The following B3GALT1 variants were observed in gnomAD, a reference collection of about 807,000 sequenced individuals.
B3GALT1 encodes UDP-Gal:betaGlcNAc beta 1,3-galactosyltransferase, polypeptide 1.
Under a neutral mutation model 23.2 loss-of-function variants are expected in B3GALT1, and 10 were observed. The observed-to-expected ratio is 0.43, with a 90% CI of 0.27 to 0.73. B3GALT1 has a LOEUF of 0.73. B3GALT1 is among the 30% of genes least tolerant of loss of function. The pLI, the probability that B3GALT1 is intolerant of heterozygous loss-of-function variation, is 0.21. For missense variants in B3GALT1, 299 were observed against 405.4 expected, an observed-to-expected ratio of 0.74 and a Z score of 2.25; for synonymous variants, 156 against 141.5, an observed-to-expected ratio of 1.10 and a Z score of -0.73.
At chr2:167,611,173 G>A (rs1459999249) in intron 2 of B3GALT1, among the ~76,000 whole-genome samples, 1 of 151,544 alleles carries the variant, frequency 6.6e-6, no homozygotes, top group East Asian at 1.9e-4. Flanking sequence ...TCCTACTATC[G>A]AGAACCAGTT....
At chr2:167,766,578 G>GA (rs1553485742) in intron 3 of B3GALT1, among the ~76,000 whole-genome samples, 1 of 152,036 alleles carries the variant, frequency 6.6e-6, no homozygotes, top group Non-Finnish European at 1.5e-5. Context: ...ATTAATTGAA[G>GA]AAAAAAGGAA....
At chr2:167,511,784 A>G (rs1700008283) in intron 2 of B3GALT1, among the ~76,000 whole-genome samples, 1 of 152,162 alleles carries the variant, frequency 6.6e-6, no homozygotes. Flanking sequence ...GAAAAATGTC[A>G]TCTAAATAGA....
At chr2:167,390,816 G>A (rs78833709) in intron 1 of B3GALT1, among the ~76,000 whole-genome samples, 1 of 117,638 alleles carries the variant, frequency 8.5e-6, no homozygotes, top group Non-Finnish European at 1.9e-5. Flanking sequence ...GAATGAATGA[G>A]TCAATCAAAT....
chr2:167,759,084 C>T (rs1428345868), intron 3 of B3GALT1, among the ~76,000 whole-genome samples: 3 of 152,154 alleles, frequency 2.0e-5, no homozygotes, highest in Non-Finnish European at 4.4e-5. Flanking sequence ...AAGCACAAAC[C>T]AGAATACATT....
chr2:167,515,071 T>C (rs1423832914), intron 2 of B3GALT1, among the ~76,000 whole-genome samples: 5 of 152,208 alleles, frequency 3.3e-5, no homozygotes, highest in Non-Finnish European at 7.4e-5. Context: ...AGCTAATTTG[T>C]CTATTTTTAA....
intron 3 of B3GALT1, chr2:167,716,144 G>C (rs983165390): frequency 2.2e-6 from 3 of 1,390,328 alleles, no homozygotes; most frequent in South Asian, 2.6e-5. Flanking sequence ...CTTGGGTCTG[G>C]AACCCGAATC....
Position 167,635,978 on chromosome 2 carries a change from C to G in B3GALT1, c.-409-10931C>G, listed in dbSNP as rs372645282. ...CTACAGCAACCAAAACAGCATGGTA[C>G]TGGTACCAAAACAGATGTAGACCAA... On this transcript the variant is annotated intron_variant, in intron 2 of 4. Transcript: ENST00000392690. Among the ~76,000 whole-genome samples the G allele has an allele frequency of 1.6e-4, 25 of 152,192 alleles. No individual in the cohort carries two copies. In the East Asian group the frequency reaches 4.8e-3, roughly 29 times the overall value.
chr2:167,516,292 T>A (rs1211389193), intron 2 of B3GALT1, among the ~76,000 whole-genome samples: 2 of 152,142 alleles, frequency 1.3e-5, no homozygotes, highest in Non-Finnish European at 2.9e-5. Flanking sequence ...TGACAGTATC[T>A]CATTTCCTTA....
chr2:167,566,189 A>G (rs925871087), intron 2 of B3GALT1, among the ~76,000 whole-genome samples: 1 of 152,232 alleles, frequency 6.6e-6, no homozygotes, highest in Non-Finnish European at 1.5e-5. Flanking sequence ...TGATGAGTTC[A>G]TGTCCTTTGT....
chr2:167,836,285 T>C (rs1358213339), intron 4 of B3GALT1, among the ~76,000 whole-genome samples: 2 of 151,832 alleles, frequency 1.3e-5, no homozygotes, highest in African/African-American at 4.8e-5. Context: ...TTGAAAAAAA[T>C]TTAGAAGAAT....
intron 1 of B3GALT1, among the ~76,000 whole-genome samples, chr2:167,420,816 G>A (rs938267798): frequency 1.3e-5 from 2 of 152,140 alleles, no homozygotes; most frequent in East Asian, 3.9e-4. Flanking sequence ...CTTTGTTAAG[G>A]TCTACCTTCT....
intron 2 of B3GALT1, among the ~76,000 whole-genome samples, chr2:167,536,516 A>C (rs1465367175): frequency 6.6e-6 from 1 of 152,216 alleles, no homozygotes; most frequent in African/African-American, 2.4e-5. Context: ...GATCTTATTC[A>C]TCACTGCTCT....
chr2:167,661,083 G>C (rs549686243), intron 3 of B3GALT1, among the ~76,000 whole-genome samples: 1 of 152,070 alleles, frequency 6.6e-6, no homozygotes, highest in Non-Finnish European at 1.5e-5. Context: ...GTTGTGCAAC[G>C]GAGCTTAAAT....
intron 2 of B3GALT1, among the ~76,000 whole-genome samples, chr2:167,521,258 C>T (rs1313941110): frequency 3.3e-5 from 5 of 151,988 alleles, no homozygotes; most frequent in African/African-American, 1.2e-4. Flanking sequence ...TTCTTAGTGC[C>T]TCAAACTAGA....
intron 3 of B3GALT1, among the ~76,000 whole-genome samples, chr2:167,734,866 C>T (rs904152510): frequency 2.6e-5 from 4 of 152,018 alleles, no homozygotes; most frequent in Admixed American, 2.6e-4. Flanking sequence ...TTTTTCCATC[C>T]ATCTTTCTTT....
At chr2:167,628,768 G>A (rs773642423) in intron 2 of B3GALT1, among the ~76,000 whole-genome samples, 11 of 151,804 alleles carry the variant, frequency 7.2e-5, no homozygotes, top group East Asian at 3.9e-4. Flanking sequence ...GGAGCAAGCT[G>A]TCAGGCTTCC....
intron 1 of B3GALT1, among the ~76,000 whole-genome samples, chr2:167,425,736 T>C (rs1698613302): frequency 6.6e-6 from 1 of 152,234 alleles, no homozygotes; most frequent in Non-Finnish European, 1.5e-5. Context: ...TATATATGTG[T>C]ACCTGAATAT....
At chr2:167,624,489 A>G (rs906286332) in intron 2 of B3GALT1, among the ~76,000 whole-genome samples, 4 of 152,108 alleles carry the variant, frequency 2.6e-5, no homozygotes, top group African/African-American at 7.2e-5. Context: ...AGCATTTTAC[A>G]TATTTTAGCT....
At chr2:167,824,562 C>G (rs1284252660) in intron 4 of B3GALT1, among the ~76,000 whole-genome samples, 1 of 152,214 alleles carries the variant, frequency 6.6e-6, no homozygotes, top group East Asian at 1.9e-4. Context: ...GTCTTGCTCT[C>G]GGTCCTCTCT....
Sources: allele counts gnomAD v4.1 joint callset (sites outside exome capture counted in the v4.1 genomes callset), GRCh38; gene constraint gnomAD v4.1.1; transcripts MANE v1.5; gene names NCBI Gene and HGNC (gene_info 2026-07-23, HGNC 2026-07-21).